The following DENND1A variants were observed in gnomAD, a reference collection of about 807,000 sequenced individuals.
DENND1A encodes the protein DENN domain-containing protein 1A.
Under a neutral mutation model 113.7 loss-of-function variants are expected in DENND1A, and 51 were observed. That is an observed-to-expected ratio of 0.45 (90% CI 0.36 to 0.57). The LOEUF is 0.57. Ranked by LOEUF, DENND1A falls within the 20% of genes least tolerant of loss-of-function variation. DENND1A has a pLI of 0.00. For synonymous variants in DENND1A, 565 were observed against 570.8 expected (o/e 0.99, Z 0.14); for missense variants, 1,258 against 1,395.9 (o/e 0.90, Z 1.57).
chr9:123,760,832 T>C (rs564543230), intron 4 of DENND1A, among the ~76,000 whole-genome samples: 1 of 152,292 alleles, frequency 6.6e-6, no homozygotes, highest in Non-Finnish European at 1.5e-5. Context: ...GGAAATCCTG[T>C]TTTATTAAAA....
At chr9:123,494,540 A>G (rs556448785) in intron 13 of DENND1A, among the ~76,000 whole-genome samples, 1 of 152,282 alleles carries the variant, frequency 6.6e-6, no homozygotes, top group African/African-American at 2.4e-5. Flanking sequence ...GGGGTGGCTC[A>G]AGGTTACAGA....
At position 123,923,437 on chromosome 9, in the gene DENND1A, G is replaced by C. The variant is rs74611418; in HGVS notation, c.17+6452C>G. Reference sequence around the variant, plus strand: ...AGCACTGTGGCGGAGAAAGGGAAGAGGGGAATAGGCATTAGAGGAAGAAGG... The same window carrying C: ...AGCACTGTGGCGGAGAAAGGGAAGACGGGAATAGGCATTAGAGGAAGAAGG... On this transcript the variant is annotated intron_variant, in intron 1 of 23. Transcript: ENST00000394215. Among the ~76,000 whole-genome samples the C allele has an allele frequency of 1.0e-2, 1,516 of 152,288 alleles. 18 individuals are homozygous for C. Among genetic ancestry groups the C allele is most frequent in the African/African-American group, 0.035 (1,438 of 41,554 alleles).
intron 13 of DENND1A, among the ~76,000 whole-genome samples, chr9:123,532,399 G>C (rs2055394908): frequency 6.6e-6 from 1 of 152,176 alleles, no homozygotes; most frequent in Non-Finnish European, 1.5e-5. Flanking sequence ...CCGTTGTCCT[G>C]TCCTTTAGCC....
chr9:123,715,439 A>T (rs1448620400), intron 5 of DENND1A, among the ~76,000 whole-genome samples: 1 of 152,168 alleles, frequency 6.6e-6, no homozygotes, highest in African/African-American at 2.4e-5. Flanking sequence ...TGACTCATAT[A>T]AAACTTCCTT....
intron 13 of DENND1A, among the ~76,000 whole-genome samples, chr9:123,524,187 G>C (rs527857528): frequency 6.6e-6 from 1 of 152,258 alleles, no homozygotes; most frequent in East Asian, 1.9e-4. Context: ...CCACTTGATG[G>C]GGCTTCCTCT....
chr9:123,546,352 T>C (rs1050228716), intron 13 of DENND1A, among the ~76,000 whole-genome samples: 6 of 151,734 alleles, frequency 4.0e-5, no homozygotes, highest in Non-Finnish European at 8.8e-5. Flanking sequence ...ATCAAGACCA[T>C]CCTGGCTAAC....
intron 8 of DENND1A, among the ~76,000 whole-genome samples, chr9:123,659,146 G>A (rs2063109673): frequency 6.6e-6 from 1 of 152,184 alleles, no homozygotes; most frequent in Non-Finnish European, 1.5e-5. Flanking sequence ...CTCTCTTTTT[G>A]CACACTAACA....
chr9:123,658,044 T>C (rs1353665256), intron 8 of DENND1A, among the ~76,000 whole-genome samples: 3 of 152,202 alleles, frequency 2.0e-5, no homozygotes, highest in Non-Finnish European at 4.4e-5. Context: ...ATAGGTCTTC[T>C]ACTACCACTT....
intron 10 of DENND1A, among the ~76,000 whole-genome samples, chr9:123,626,240 G>C (rs962826251): frequency 6.6e-6 from 1 of 152,018 alleles, no homozygotes; most frequent in Admixed American, 6.5e-5. Flanking sequence ...GTGTATGGGC[G>C]GGGGGTGTCT....
chr9:123,832,564 A>C (rs1311576693), intron 2 of DENND1A, among the ~76,000 whole-genome samples: 1 of 152,228 alleles, frequency 6.6e-6, no homozygotes, highest in Non-Finnish European at 1.5e-5. Flanking sequence ...TATTTACTAT[A>C]ATGTCATAGC....
intron 2 of DENND1A, among the ~76,000 whole-genome samples, chr9:123,858,512 A>G (rs1045663464): frequency 6.6e-6 from 1 of 152,132 alleles, no homozygotes; most frequent in African/African-American, 2.4e-5. Flanking sequence ...GCCCTTCAAC[A>G]AGACCGTGGA....
At chr9:123,463,997 T>A (rs776376291) in intron 13 of DENND1A, among the ~76,000 whole-genome samples, 5 of 152,132 alleles carry the variant, frequency 3.3e-5, no homozygotes, top group Middle Eastern at 6.8e-3. Flanking sequence ...GATGGGTTGA[T>A]AGGTATAGCA....
At chr9:123,465,006 A>T (rs2048823222) in intron 13 of DENND1A, among the ~76,000 whole-genome samples, 1 of 144,508 alleles carries the variant, frequency 6.9e-6, no homozygotes, top group African/African-American at 2.5e-5. Context: ...AAAAAAAAAA[A>T]AAAAAAAAAA....
At chr9:123,890,363 T>C (rs750892801) in intron 1 of DENND1A, among the ~76,000 whole-genome samples, 3 of 152,240 alleles carry the variant, frequency 2.0e-5, no homozygotes, top group Non-Finnish European at 4.4e-5. Context: ...TTAAATGGAA[T>C]ATTTTTTACA....
intron 15 of DENND1A, among the ~76,000 whole-genome samples, chr9:123,456,002 G>A (rs1302595099): frequency 6.6e-6 from 1 of 152,162 alleles, no homozygotes; most frequent in East Asian, 1.9e-4. Flanking sequence ...CACTCCTTGA[G>A]GGCAGAACTG....
chr9:123,920,173 G>A (rs1855957439), intron 1 of DENND1A, among the ~76,000 whole-genome samples: 1 of 152,232 alleles, frequency 6.6e-6, no homozygotes, highest in South Asian at 2.1e-4. Context: ...GCTCAAGCCT[G>A]TAATCCCAGC....
At chr9:123,410,865 CATCGAAAGGTCCTGG>C (rs1197235978) in intron 20 of DENND1A, among the ~76,000 whole-genome samples, 1 of 152,130 alleles carries the variant, frequency 6.6e-6, no homozygotes, top group Admixed American at 6.5e-5. Flanking sequence ...AAACAGCCCC[CATCGAAAGGTCCTGG>C]ATGGTTTCCC....
chr9:123,627,211 G>T (rs993594644), intron 10 of DENND1A, among the ~76,000 whole-genome samples: 1 of 152,206 alleles, frequency 6.6e-6, no homozygotes, highest in Non-Finnish European at 1.5e-5. Flanking sequence ...TTCCAGACAA[G>T]GAGCAGATAA....
intron 13 of DENND1A, among the ~76,000 whole-genome samples, chr9:123,493,757 T>C (rs2808396): frequency 0.96 from 145,946 of 152,202 alleles, 70,200 homozygotes; most frequent in Non-Finnish European, 1. Context: ...GGGTGATGAA[T>C]TGTCACTCAG....
Sources: allele counts gnomAD v4.1 joint callset (sites outside exome capture counted in the v4.1 genomes callset), GRCh38; gene constraint gnomAD v4.1.1; transcripts MANE v1.5; gene names NCBI Gene and HGNC (gene_info 2026-07-23, HGNC 2026-07-21).